The following CAMK4 variants were observed in gnomAD, a reference collection of about 807,000 sequenced individuals.
CAMK4 encodes the protein calcium/calmodulin dependent protein kinase IV.
Under a neutral mutation model 44.9 loss-of-function variants are expected in CAMK4, and 22 were observed. The ratio of observed to expected loss-of-function variants is 0.49; its 90% CI spans 0.35 to 0.70. The LOEUF (loss-of-function observed/expected upper bound fraction) is 0.70. CAMK4 is among the 30% of genes least tolerant of loss of function. CAMK4 has a pLI of 0.01. For synonymous variants in CAMK4, 218 were observed against 215.4 expected, an observed-to-expected ratio of 1.01 and a Z score of -0.11; for missense variants, 498 against 586.8, an observed-to-expected ratio of 0.85 and a Z score of 1.56.
At chr5:111,401,392 T>G (rs1752220810) in intron 5 of CAMK4, among the ~76,000 whole-genome samples, 1 of 152,142 alleles carries the variant, frequency 6.6e-6, no homozygotes, top group Admixed American at 6.5e-5. Flanking sequence ...AGGAAATGGG[T>G]GAGTAACTAT....
intron 7 of CAMK4, among the ~76,000 whole-genome samples, chr5:111,472,799 G>A (rs1755110038): frequency 6.6e-6 from 1 of 152,048 alleles, no homozygotes; most frequent in Admixed American, 6.6e-5. Flanking sequence ...CCTAGCTCCT[G>A]CTGCAACCGT....
intron 2 of CAMK4, among the ~76,000 whole-genome samples, chr5:111,356,190 C>A (rs1332570434): frequency 6.8e-6 from 1 of 147,970 alleles, no homozygotes; most frequent in East Asian, 2.0e-4. Flanking sequence ...TTAATGATTG[C>A]CATTCTAACT....
At chr5:111,443,370 T>A (rs552241803) in intron 5 of CAMK4, among the ~76,000 whole-genome samples, 2 of 142,948 alleles carry the variant, frequency 1.4e-5, no homozygotes, top group South Asian at 4.3e-4. Context: ...TATATATATA[T>A]GAATATATCA....
intron 1 of CAMK4, among the ~76,000 whole-genome samples, chr5:111,341,538 C>CT (rs201761798): frequency 1.3e-5 from 2 of 150,828 alleles, no homozygotes; most frequent in East Asian, 1.9e-4. Flanking sequence ...TTTTTGGATC[C>CT]TTTTTTAAAA....
At chr5:111,466,590 C>T (rs1263626989) in intron 7 of CAMK4, among the ~76,000 whole-genome samples, 1 of 152,182 alleles carries the variant, frequency 6.6e-6, no homozygotes. Flanking sequence ...AACCCAACCC[C>T]TTTTACAATA....
intron 4 of CAMK4, among the ~76,000 whole-genome samples, chr5:111,391,402 T>G (rs412005): frequency 0.92 from 139,626 of 152,202 alleles, 64,165 homozygotes; most frequent in East Asian, 1. Flanking sequence ...AAGTATCTGA[T>G]TTAGTTCCAA....
chr5:111,359,880 T>C lies in CAMK4; in HGVS notation c.241-14970T>C, dbSNP rs562526952. Among the ~76,000 whole-genome samples, 220 of 152,152 alleles carry C rather than the reference T, an allele frequency of 1.4e-3. 1 individual carries two copies. The highest frequency in any genetic ancestry group is 5.0e-3 in the African/African-American group (209 of 41,554). The stretch of plus-strand genomic sequence containing the variant: ...AGGACATATGGAGTGTCCTGATCAG[T>C]TTCAAGGAGTGGCATATATAATAAA... On this transcript the variant is annotated intron_variant, in intron 2 of 10. Transcript: ENST00000282356.
chr5:111,324,991 C>T (rs989016379), intron 1 of CAMK4, among the ~76,000 whole-genome samples: 1 of 151,550 alleles, frequency 6.6e-6, no homozygotes, highest in Non-Finnish European at 1.5e-5. Context: ...CTAATGCGCT[C>T]CCTCCCCTTC....
intron 1 of CAMK4, among the ~76,000 whole-genome samples, chr5:111,308,190 T>G (rs1362833042): frequency 2.1e-5 from 3 of 143,014 alleles, no homozygotes; most frequent in South Asian, 4.5e-4. Flanking sequence ...GCATGGCACA[T>G]GTATACATAT....
At chr5:111,363,215 A>C (rs765978102) in intron 2 of CAMK4, among the ~76,000 whole-genome samples, 4 of 152,116 alleles carry the variant, frequency 2.6e-5, no homozygotes, top group Non-Finnish European at 5.9e-5. Flanking sequence ...TCTTTGAAAC[A>C]GACATTCTCC....
intron 4 of CAMK4, among the ~76,000 whole-genome samples, chr5:111,385,880 A>G (rs1038732953): frequency 2.0e-5 from 3 of 152,092 alleles, no homozygotes; most frequent in Non-Finnish European, 2.9e-5. Context: ...CGGCTGCAAT[A>G]TATATATCTT....
intron 2 of CAMK4, among the ~76,000 whole-genome samples, chr5:111,349,032 T>C (rs887553538): frequency 4.6e-5 from 7 of 152,058 alleles, no homozygotes; most frequent in Non-Finnish European, 8.8e-5. Context: ...TTAATGAGGA[T>C]AAAGCTTTCA....
intron 2 of CAMK4, among the ~76,000 whole-genome samples, chr5:111,362,643 T>A (rs1750638479): frequency 1.3e-5 from 2 of 152,074 alleles, no homozygotes; most frequent in South Asian, 4.1e-4. Context: ...GTTGATTTCC[T>A]TCTATCCCTG....
chr5:111,278,017 A>C (rs961936002), intron 1 of CAMK4, among the ~76,000 whole-genome samples: 3 of 152,214 alleles, frequency 2.0e-5, no homozygotes, highest in African/African-American at 7.2e-5. Flanking sequence ...AGTATTTGGT[A>C]AAACTATGCC....
chr5:111,394,579 C>A, intron 4 of CAMK4, 131 bp from the exon 5 acceptor site: 1 of 580,840 alleles, frequency 1.7e-6, no homozygotes, highest in South Asian at 2.5e-5. Flanking sequence ...GAAATCTTTC[C>A]CATGGTAGTA....
chr5:111,243,741 G>T (rs139300984), intron 1 of CAMK4, among the ~76,000 whole-genome samples: 2 of 152,244 alleles, frequency 1.3e-5, no homozygotes, highest in Non-Finnish European at 2.9e-5. Context: ...TCTCCTAGCC[G>T]GCGGTTCTTT....
chr5:111,280,014 T>C (rs1222943829), intron 1 of CAMK4, among the ~76,000 whole-genome samples: 1 of 152,160 alleles, frequency 6.6e-6, no homozygotes, highest in African/African-American at 2.4e-5. Context: ...AGTATTGAGG[T>C]CAGAAGATGT....
In CAMK4 at chr5:111,493,095, C is replaced by G. The variant is rs188867698; in HGVS notation, c.*8629C>G. On this transcript the variant is annotated 3_prime_UTR_variant, in exon 11 of 11. Transcript: ENST00000282356. This position sits in a 1 kb window ranked among gnomAD's most constrained non-coding sequence, Gnocchi z 4.1. Reference sequence around the variant, plus strand: ...GGCTGAAATACACAGGGAAGTGTTGCCAGTGTGCAACAGAATCTCATCTCG... The same window carrying G: ...GGCTGAAATACACAGGGAAGTGTTGGCAGTGTGCAACAGAATCTCATCTCG... 102 of 152,234 alleles carry G rather than the reference C, an allele frequency of 6.7e-4. 1 individual carries two copies. The highest frequency in any genetic ancestry group is 2.4e-3 in the African/African-American group (99 of 41,544). 9.4% of individuals were successfully genotyped at this position (152,234 alleles called of 1,614,324 possible).
intron 5 of CAMK4, among the ~76,000 whole-genome samples, chr5:111,436,484 T>C (rs1753651584): frequency 6.6e-6 from 1 of 152,188 alleles, no homozygotes; most frequent in Non-Finnish European, 1.5e-5. Flanking sequence ...CCCTATGACA[T>C]TGCCATCCCA....
Sources: allele counts gnomAD v4.1 joint callset (sites outside exome capture counted in the v4.1 genomes callset), GRCh38; gene constraint gnomAD v4.1.1; non-coding constraint Gnocchi (gnomAD v3.1); transcripts MANE v1.5; gene names NCBI Gene and HGNC (gene_info 2026-07-23, HGNC 2026-07-21).